SAMD5: variants seen among roughly 807,000 people sequenced by gnomAD.
The protein encoded by SAMD5 is sterile alpha motif domain-containing protein 5.
Under a neutral mutation model 11.3 loss-of-function variants are expected in SAMD5, and 13 were observed. The observed-to-expected ratio is 1.15, with a 90% CI of 0.75 to 1.83. The LOEUF is 1.83. SAMD5 is among the 40% of genes most tolerant of loss of function. The pLI, the probability that SAMD5 is intolerant of heterozygous loss-of-function variation, is 0.00. For synonymous variants in SAMD5, 129 were observed against 111.3 expected (o/e 1.16, Z -1.00); for missense variants, 255 against 239.1 (o/e 1.07, Z -0.44).
the SAMD5 span, among the ~76,000 whole-genome samples, chr6:147,763,271 T>A: frequency 6.6e-6 from 1 of 152,082 alleles, no homozygotes; most frequent in African/African-American, 2.4e-5. Context: ...GCGATTCTTC[T>A]GCCTCAGCCT....
chr6:147,733,880 C>T (rs1791755048), intron 1 of SAMD5: 1 of 226,512 alleles, frequency 4.4e-6, no homozygotes, highest in South Asian at 1.6e-4. Flanking sequence ...AGCGCCATTC[C>T]CTCGGACAGT....
the SAMD5 span, among the ~76,000 whole-genome samples, chr6:147,924,048 A>G: frequency 2.6e-5 from 4 of 152,182 alleles, no homozygotes; most frequent in African/African-American, 4.8e-5. Flanking sequence ...CAAAGGTTCA[A>G]TGGCTGCCCG....
At chr6:147,753,480 G>A in the SAMD5 span, among the ~76,000 whole-genome samples, 1 of 152,138 alleles carries the variant, frequency 6.6e-6, no homozygotes, top group Non-Finnish European at 1.5e-5. Context: ...TTTTGATACA[G>A]GCATGCAATG....
At chr6:147,660,476 G>T (rs745863975) in intron 1 of SAMD5, among the ~76,000 whole-genome samples, 1 of 152,162 alleles carries the variant, frequency 6.6e-6, no homozygotes, top group African/African-American at 2.4e-5. Context: ...CCCCATTATA[G>T]TCCTTTAGGC....
intron 1 of SAMD5, among the ~76,000 whole-genome samples, chr6:147,670,866 T>G (rs138084525): frequency 1.3e-5 from 2 of 152,380 alleles, no homozygotes; most frequent in African/African-American, 4.8e-5. Context: ...ACTTTACATT[T>G]CCTTTAAAAA....
chr6:147,688,878 C>T (rs575523643), intron 1 of SAMD5, among the ~76,000 whole-genome samples: 1 of 152,278 alleles, frequency 6.6e-6, no homozygotes, highest in South Asian at 2.1e-4. Flanking sequence ...AAAATCCTGG[C>T]TTCATTCTTT....
chr6:147,921,274 A>AAACACACACAC, the SAMD5 span, among the ~76,000 whole-genome samples: 1 of 140,978 alleles, frequency 7.1e-6, no homozygotes, highest in African/African-American at 2.7e-5. Context: ...GAGAGTATAA[A>AAACACACACAC]ACACACACAC....
the SAMD5 span, among the ~76,000 whole-genome samples, chr6:147,835,865 C>A: frequency 2.0e-5 from 3 of 152,192 alleles, no homozygotes; most frequent in East Asian, 5.8e-4. Flanking sequence ...TCCAGATTTT[C>A]CTTCGTGACT....
At chr6:147,722,803 GA>G (rs1428583797) in intron 1 of SAMD5, among the ~76,000 whole-genome samples, 1 of 152,172 alleles carries the variant, frequency 6.6e-6, no homozygotes, top group Non-Finnish European at 1.5e-5. Context: ...TTAACACCTA[GA>G]AATGAACACA....
intron 1 of SAMD5, among the ~76,000 whole-genome samples, chr6:147,559,950 T>C (rs1293410956): frequency 6.6e-6 from 1 of 152,206 alleles, no homozygotes; most frequent in Non-Finnish European, 1.5e-5. Context: ...GGAAAGATGA[T>C]TGTTAAGACA....
the SAMD5 span, among the ~76,000 whole-genome samples, chr6:147,822,476 T>A: frequency 6.6e-6 from 1 of 152,212 alleles, no homozygotes; most frequent in Non-Finnish European, 1.5e-5. Context: ...CTTCTATACC[T>A]GCTATAAATT....
intron 1 of SAMD5, among the ~76,000 whole-genome samples, chr6:147,597,593 GAA>G (rs1395712384): frequency 3.3e-5 from 5 of 152,172 alleles, no homozygotes; most frequent in African/African-American, 1.2e-4. Context: ...GTTGAAAAGA[GAA>G]GAGTCATCAC....
chr6:147,927,871 A>C, the SAMD5 span, among the ~76,000 whole-genome samples: 2 of 152,230 alleles, frequency 1.3e-5, no homozygotes, highest in Admixed American at 6.5e-5. Context: ...AATTTTTAAC[A>C]TGAAGAAATG....
At chr6:147,634,285 A>G (rs1790192659) in intron 1 of SAMD5, among the ~76,000 whole-genome samples, 1 of 152,196 alleles carries the variant, frequency 6.6e-6, no homozygotes, top group African/African-American at 2.4e-5. Flanking sequence ...CAGAAGGTGA[A>G]GAGGAAGGAA....
chr6:147,898,117 T>C, the SAMD5 span, among the ~76,000 whole-genome samples: 2 of 152,074 alleles, frequency 1.3e-5, no homozygotes, highest in Non-Finnish European at 2.9e-5. Flanking sequence ...TCTATGACTT[T>C]GAAGCTGACC....
At position 147,625,313 on chromosome 6, in the gene SAMD5, G is replaced by A. The variant is rs546651023; in HGVS notation, c.163-112004G>A. On this transcript the variant is annotated intron_variant, in intron 1 of 1. Transcript: ENST00000566741. The stretch of plus-strand genomic sequence containing the variant: ...TGCCACTTCCATTTCTGATGCTTTC[G>A]TAATGTTAGGATCACTCAGTATTAG... Among the ~76,000 whole-genome samples the A allele has an allele frequency of 1.2e-3, 177 of 152,216 alleles. 2 individuals are homozygous for A. Among genetic ancestry groups the A allele is most frequent in the African/African-American group, 4.1e-3 (169 of 41,536 alleles).
At chr6:147,534,568 A>C (rs1255429308) in intron 1 of SAMD5, among the ~76,000 whole-genome samples, 1 of 152,128 alleles carries the variant, frequency 6.6e-6, no homozygotes, top group Non-Finnish European at 1.5e-5. Flanking sequence ...CAGAGTTTTT[A>C]AGGATAACTT....
chr6:147,723,206 C>T (rs899106491), intron 1 of SAMD5, among the ~76,000 whole-genome samples: 3 of 152,158 alleles, frequency 2.0e-5, no homozygotes, highest in Non-Finnish European at 4.4e-5. Context: ...GGCTTTCTCA[C>T]CATTTCTGTT....
At chr6:147,667,518 C>T (rs1210631304) in intron 1 of SAMD5, among the ~76,000 whole-genome samples, 1 of 152,166 alleles carries the variant, frequency 6.6e-6, no homozygotes, top group East Asian at 1.9e-4. Context: ...ACAGATTCTC[C>T]TTGTCCTGTT....
Sources: gnomAD v4.1 joint callset for allele counts (sites outside exome capture counted in the v4.1 genomes callset) on GRCh38, gnomAD v4.1.1 for gene constraint, MANE v1.5 for transcripts, NCBI Gene and HGNC (gene_info 2026-07-23, HGNC 2026-07-21) for gene names.